HNRNPA3: variants seen among roughly 807,000 people sequenced by gnomAD.
The protein encoded by HNRNPA3 is heterogeneous nuclear ribonucleoprotein A3.
Under a neutral mutation model 45.8 loss-of-function variants are expected in HNRNPA3, and 3 were observed. The ratio of observed to expected loss-of-function variants is 0.07; its 90% confidence interval spans 0.03 to 0.17. The LOEUF is 0.17. HNRNPA3 is among the 10% of genes least tolerant of loss of function. The pLI is 1.00. For synonymous variants in HNRNPA3, 170 were observed against 155.6 expected, an observed-to-expected ratio of 1.09 and a Z score of -0.69; for missense variants, 183 against 480.3, an observed-to-expected ratio of 0.38 and a Z score of 5.79.
In HNRNPA3 at chr2:177,215,679, C is replaced by T; in HGVS notation, c.195+18C>T. On this transcript the variant is annotated intron_variant, in intron 2 of 10. Transcript: ENST00000392524. The stretch of plus-strand genomic sequence containing the variant: ...ATTGTGTGGTAAGTTACTAAGAGAA[C>T]AGAAGGGTTCTAAGGGGTGTAGAGA... 1 of 1,613,854 alleles carries T rather than the reference C, an allele frequency of 6.2e-7. No individual in the cohort carries two copies. The highest frequency in any genetic ancestry group is 1.1e-5 in the South Asian group (1 of 91,072).
At chr2:177,213,336 G>C (rs534721016) in intron 1 of HNRNPA3, among the ~76,000 whole-genome samples, 1 of 152,366 alleles carries the variant, frequency 6.6e-6, no homozygotes, top group South Asian at 2.1e-4. Flanking sequence ...CTCTGCCGCC[G>C]GGAAAGCGAG....
chr2:177,215,948 TCTTGA>T (rs1330871041), intron 3 of HNRNPA3, 25 bp from the exon 4 acceptor site: 1 of 1,597,110 alleles, frequency 6.3e-7, no homozygotes, highest in African/African-American at 1.4e-5. Flanking sequence ...AAAGTTTGTT[TCTTGA>T]CTTAATATAT....
chr2:177,217,921 G>A, intron 8 of HNRNPA3, 76 bp downstream of exon 8: 1 of 1,352,986 alleles, frequency 7.4e-7, no homozygotes, highest in Middle Eastern at 1.9e-4. Context: ...TATTTGGAAA[G>A]TGTTAAAAGC....
chr2:177,213,316 C>A (rs955251319), intron 1 of HNRNPA3, among the ~76,000 whole-genome samples: 1 of 152,184 alleles, frequency 6.6e-6, no homozygotes, highest in Non-Finnish European at 1.5e-5. Context: ...CCGCAATGGC[C>A]GCCGCCTCGC....
chr2:177,213,574 T>C (rs1441546304), intron 1 of HNRNPA3, among the ~76,000 whole-genome samples: 2 of 152,224 alleles, frequency 1.3e-5, no homozygotes, highest in East Asian at 1.9e-4. Context: ...CTTCCTGATA[T>C]ATTTTTGCTA....
chr2:177,217,755 G>A (rs1471633788), exon 8 of HNRNPA3: 1 of 1,613,214 alleles, frequency 6.2e-7, no homozygotes, highest in East Asian at 2.2e-5. Context: ...GGGCTATGGT[G>A]GTGGTGGACC....
rs751154960 is a variant in HNRNPA3 at position 177,217,685 on chromosome 2, G to C, written c.821-20G>C. On this transcript the variant is annotated intron_variant, in intron 7 of 10. Coordinates refer to ENST00000392524, the Ensembl canonical transcript of HNRNPA3. ...TACACTTAAGTTTTTGTGTGGTCTT[G>C]TTATTTGTTGTTTTTTTAGGTGGCA... The C allele has an allele frequency of 4.3e-6, 7 of 1,612,104 alleles. No homozygotes were observed. The highest frequency in any genetic ancestry group is 1.7e-5 in the Admixed American group (1 of 60,018).
At chr2:177,213,299 C>G (rs962660226) in intron 1 of HNRNPA3, among the ~76,000 whole-genome samples, 2 of 152,244 alleles carry the variant, frequency 1.3e-5, no homozygotes, top group African/African-American at 4.8e-5. Flanking sequence ...CGAAATGGCG[C>G]ATTGGCCCGC....
At chr2:177,215,500 A>G (rs766332191) in intron 1 of HNRNPA3, 39 bp from the exon 2 acceptor site, 4 of 1,604,588 alleles carry the variant, frequency 2.5e-6, no homozygotes, top group Non-Finnish European at 3.4e-6. Flanking sequence ...TAATTCATCT[A>G]CTGTAAGGTA....
intron 8 of HNRNPA3, 107 bp downstream of exon 8, chr2:177,217,952 C>G: frequency 2.7e-6 from 3 of 1,114,814 alleles, no homozygotes; most frequent in Non-Finnish European, 3.6e-6. Flanking sequence ...ATTTTATGTT[C>G]TATAAGAAAA....
chr2:177,215,310 G>T (rs1435185759), intron 1 of HNRNPA3, among the ~76,000 whole-genome samples: 1 of 152,138 alleles, frequency 6.6e-6, no homozygotes, highest in Non-Finnish European at 1.5e-5. Context: ...GGCCAGGCTG[G>T]TCTCGAACTC....
chr2:177,217,910 A>G lies in HNRNPA3; in HGVS notation c.961+65A>G, dbSNP rs534635713. The G allele has an allele frequency of 1.4e-4, 194 of 1,390,638 alleles. 2 individuals carry two copies. In the East Asian group the frequency reaches 4.5e-3, roughly 32 times the overall value. 86.1% of individuals were successfully genotyped at this position (1,390,638 alleles called of 1,614,324 possible). A position where few individuals can be genotyped will look rare whatever the true frequency, so the allele number is the denominator to read the frequency against. On this transcript the variant is annotated intron_variant, in intron 8 of 10. Transcript: ENST00000392524. Reference sequence around the variant, plus strand: ...GTGTTGCTAACAGTTCCCATGACACATATTTGGAAAGTGTTAAAAGCGTTT... The same window carrying G: ...GTGTTGCTAACAGTTCCCATGACACGTATTTGGAAAGTGTTAAAAGCGTTT...
At chr2:177,214,099 G>A (rs1688816114) in intron 1 of HNRNPA3, among the ~76,000 whole-genome samples, 1 of 152,164 alleles carries the variant, frequency 6.6e-6, no homozygotes, top group African/African-American at 2.4e-5. Context: ...TCGGGTGAAG[G>A]AAACCTTAAT....
chr2:177,213,027 C>T (rs983145843), intron 1 of HNRNPA3, among the ~76,000 whole-genome samples, 156 bp downstream of exon 1: 7 of 152,020 alleles, frequency 4.6e-5, no homozygotes, highest in Non-Finnish European at 7.4e-5. Context: ...TTGGAGACCT[C>T]CTTGGGGCCC....
At chr2:177,221,517 A>G (rs1388905298), downstream of HNRNPA3, 3 of 152,660 alleles carry the variant, frequency 2.0e-5, no homozygotes, top group Non-Finnish European at 4.4e-5. Flanking sequence ...ATTTACAGTA[A>G]GTTGATGTTT....
chr2:177,219,342 T>C, intron 10 of HNRNPA3, 28 bp downstream of exon 10: 1 of 1,510,674 alleles, frequency 6.6e-7, no homozygotes, highest in East Asian at 2.3e-5. Flanking sequence ...TTTATTATGA[T>C]GATAAAAGAA....
At chr2:177,218,052 C>CTTTTTTTTTTTTTTTTTTTTTTTTTTTTT (rs58476089) in intron 8 of HNRNPA3, among the ~76,000 whole-genome samples, 1 of 102,190 alleles carries the variant, frequency 9.8e-6, no homozygotes, top group African/African-American at 4.0e-5. Context: ...TCTCTTTTTT[C>CTTTTTTTTTTTTTTTTTTTTTTTTTTTTT]TTTTTTTTTT....
Position 177,216,809 on chromosome 2 carries a change from A to G in HNRNPA3, c.739+38A>G, listed in dbSNP as rs527842639. 41 of 1,613,592 alleles carry G rather than the reference A, an allele frequency of 2.5e-5. No individual in the cohort carries two copies. In the East Asian group the frequency reaches 7.4e-4, roughly 29 times the overall value. ...TCTTCTAAGTACATGGATACCTGAC[A>G]TTTTGGTAAGTTGAATATATTATTT... is the stretch of plus-strand genomic sequence containing the variant. On this transcript the variant is annotated intron_variant, in intron 6 of 10. Transcript: ENST00000392524.
intron 8 of HNRNPA3, among the ~76,000 whole-genome samples, 189 bp from the exon 9 acceptor site, chr2:177,218,848 A>G (rs1404574080): frequency 6.6e-6 from 1 of 152,248 alleles, no homozygotes; most frequent in East Asian, 1.9e-4. Flanking sequence ...CGCCTAGAGG[A>G]CAGCATTTAA....
Sources: gnomAD v4.1 joint callset for allele counts (sites outside exome capture counted in the v4.1 genomes callset) on GRCh38, gnomAD v4.1.1 for gene constraint, MANE v1.5 for transcripts, NCBI Gene and HGNC (gene_info 2026-07-23, HGNC 2026-07-21) for gene names.